Variants in EYS observed in about 807,000 individuals in gnomAD.
The protein encoded by EYS is protein eyes shut homolog.
A neutral mutation model predicts 282.1 loss-of-function variants in EYS; 250 were observed. The ratio of observed to expected loss-of-function variants is 0.89; its 90% CI spans 0.80 to 0.98. The LOEUF is 0.98. Among genes scored for constraint, EYS ranks in the 50% least tolerant of loss-of-function variants. The pLI is 0.00. For missense variants in EYS, 4,016 were observed against 3,709.0 expected, an observed-to-expected ratio of 1.08 and a Z score of -2.15; for synonymous variants, 1,355 against 1,282.9, an observed-to-expected ratio of 1.06 and a Z score of -1.20.
intron 13 of EYS, among the ~76,000 whole-genome samples, chr6:65,005,759 C>A (rs558760857): frequency 8.4e-6 from 1 of 119,292 alleles, no homozygotes; most frequent in Non-Finnish European, 2.0e-5. Context: ...AGCTGAGGAC[C>A]GACTAGAGGT....
At chr6:64,696,068 CA>C (rs1272478470) in intron 22 of EYS, among the ~76,000 whole-genome samples, 1 of 151,706 alleles carries the variant, frequency 6.6e-6, no homozygotes, top group Non-Finnish European at 1.5e-5. Context: ...AAAAGATATT[CA>C]AAAAGATACA....
intron 12 of EYS, among the ~76,000 whole-genome samples, chr6:65,259,855 T>C (rs1401260942): frequency 6.6e-6 from 1 of 152,060 alleles, no homozygotes; most frequent in East Asian, 1.9e-4. Context: ...ATAGTGACAC[T>C]CCAGTTCTGC....
chr6:65,155,218 T>C (rs1180958952), intron 12 of EYS, among the ~76,000 whole-genome samples: 3 of 151,540 alleles, frequency 2.0e-5, no homozygotes, highest in East Asian at 3.9e-4. Flanking sequence ...TAGTATTGCC[T>C]GCACTTTATC....
intron 13 of EYS, among the ~76,000 whole-genome samples, chr6:65,037,555 T>G (rs1379587046): frequency 1.3e-5 from 2 of 151,814 alleles, no homozygotes; most frequent in Non-Finnish European, 2.9e-5. Flanking sequence ...TTCTTAGTGT[T>G]TTTTCTTTTC....
At chr6:64,864,790 C>T (rs1452361386) in intron 19 of EYS, among the ~76,000 whole-genome samples, 1 of 151,744 alleles carries the variant, frequency 6.6e-6, no homozygotes, top group Non-Finnish European at 1.5e-5. Flanking sequence ...AATCCCAGCA[C>T]TTTGGGAGGC....
chr6:64,988,518 T>C (rs1211517113), intron 14 of EYS, among the ~76,000 whole-genome samples: 2 of 151,568 alleles, frequency 1.3e-5, no homozygotes, highest in South Asian at 2.1e-4. Flanking sequence ...CATTCATTTC[T>C]TCTTTCCTTC....
At chr6:64,788,050 C>T (rs751053016) in intron 22 of EYS, among the ~76,000 whole-genome samples, 1 of 151,766 alleles carries the variant, frequency 6.6e-6, no homozygotes, top group Non-Finnish European at 1.5e-5. Flanking sequence ...ACAATTTCTC[C>T]CTCTTCAATG....
intron 2 of EYS, among the ~76,000 whole-genome samples, chr6:65,534,055 T>C (rs1312700897): frequency 3.3e-5 from 5 of 152,032 alleles, no homozygotes; most frequent in Admixed American, 2.6e-4. Context: ...AACAAGCAAG[T>C]TGGAACTATT....
At chr6:63,888,969 A>G (rs1581938069) in intron 35 of EYS, among the ~76,000 whole-genome samples, 1 of 152,362 alleles carries the variant, frequency 6.6e-6, no homozygotes. Flanking sequence ...GCTGAAAAAC[A>G]TAGCACGTAA....
At chr6:64,117,288 T>C (rs534458094) in intron 31 of EYS, among the ~76,000 whole-genome samples, 2 of 150,842 alleles carry the variant, frequency 1.3e-5, no homozygotes, top group East Asian at 3.9e-4. Flanking sequence ...ATCTAAAATA[T>C]CATAACTTTG....
chr6:65,109,652 T>C (rs555693290), intron 12 of EYS, among the ~76,000 whole-genome samples: 76 of 125,324 alleles, frequency 6.1e-4, no homozygotes, highest in African/African-American at 2.0e-3. Flanking sequence ...TTACAACTCC[T>C]TACATAAAAA....
intron 28 of EYS, chr6:64,412,926 G>C (rs1394447159): frequency 6.6e-6 from 1 of 152,080 alleles, no homozygotes; most frequent in East Asian, 1.9e-4. Flanking sequence ...CAAAATTTTG[G>C]ATGGAGAAGT....
chr6:64,478,703 C>T (rs1284564139), intron 26 of EYS, among the ~76,000 whole-genome samples: 1 of 150,946 alleles, frequency 6.6e-6, no homozygotes, highest in Non-Finnish European at 1.5e-5. Context: ...GGCAACATTA[C>T]AATCCCAATT....
chr6:65,093,889 C>T (rs544075442), intron 12 of EYS, among the ~76,000 whole-genome samples: 2 of 151,710 alleles, frequency 1.3e-5, no homozygotes, highest in South Asian at 4.2e-4. Flanking sequence ...ATAAGAAACC[C>T]ACCTTAGCTT....
intron 28 of EYS, among the ~76,000 whole-genome samples, chr6:64,435,438 C>CTT (rs71551587): frequency 1.2e-4 from 16 of 135,222 alleles, no homozygotes; most frequent in African/African-American, 3.0e-4. Flanking sequence ...CTTCTTCTTC[C>CTT]TTTTTTTTTT....
At chr6:64,959,160 T>A (rs1034543215) in intron 14 of EYS, among the ~76,000 whole-genome samples, 1 of 152,128 alleles carries the variant, frequency 6.6e-6, no homozygotes, top group African/African-American at 2.4e-5. Flanking sequence ...AATGTAAGAA[T>A]ACTTAGAAAA....
chr6:65,057,497 T>TA lies in EYS; in HGVS notation c.2137+116dup, dbSNP rs1773450826. On this transcript the variant is annotated intron_variant, in intron 13 of 42. Transcript: ENST00000503581. ...GGTTGGTCACTTTAGAAGCTGACTT[T>TA]AAGAAAATGAAGGACTAATAATGTT... The TA allele has an allele frequency of 4.2e-6, 3 of 722,884 alleles. No individual in the cohort carries two copies. The African/African-American group carries it at 5.4e-5, about 13-fold the overall frequency. 44.8% of individuals were successfully genotyped at this position (722,884 alleles called of 1,614,324 possible). A position where few individuals can be genotyped will look rare whatever the true frequency, so the allele number is the denominator to read the frequency against.
chr6:63,753,704 A>G (rs865809360), intron 41 of EYS, among the ~76,000 whole-genome samples: 1 of 152,168 alleles, frequency 6.6e-6, no homozygotes, highest in Non-Finnish European at 1.5e-5. Context: ...CCCTTGATAC[A>G]TGGGAGTTAC....
intron 26 of EYS, among the ~76,000 whole-genome samples, chr6:64,460,218 G>A (rs921423627): frequency 6.6e-6 from 1 of 152,166 alleles, no homozygotes; most frequent in African/African-American, 2.4e-5. Context: ...GGCACAAAAT[G>A]TGGATAAATA....
Sources: gnomAD v4.1 joint callset for allele counts (sites outside exome capture counted in the v4.1 genomes callset) on GRCh38, gnomAD v4.1.1 for gene constraint, MANE v1.5 for transcripts, NCBI Gene and HGNC (gene_info 2026-07-23, HGNC 2026-07-21) for gene names.